Variants in TRMT44 observed in about 807,000 individuals in gnomAD.
TRMT44 encodes tRNA methyltransferase 44 homolog.
A neutral mutation model predicts 77.3 loss-of-function variants in TRMT44; 78 were observed. The ratio of observed to expected loss-of-function variants is 1.01; its 90% CI spans 0.84 to 1.22. The LOEUF (loss-of-function observed/expected upper bound fraction) is 1.22. TRMT44 is among the 50% of genes most tolerant of loss of function. The probability of loss-of-function intolerance (pLI) is 0.00; values close to 1 mark genes in which losing one functional copy is unlikely to be tolerated. For synonymous variants in TRMT44, 391 were observed against 383.3 expected (o/e 1.02, Z -0.23); for missense variants, 1,090 against 964.4 (o/e 1.13, Z -1.73).
chr4:8,449,949 C>CTTTTTTTTTTTTTTTT (rs745915221), intron 3 of TRMT44, 61 bp downstream of exon 3: 62 of 239,122 alleles, frequency 2.6e-4, no homozygotes, highest in Admixed American at 3.7e-4. Flanking sequence ...CTTTTCTTTT[C>CTTTTTTTTTTTTTTTT]TTTTTTTTTT....
the TRMT44 span, among the ~76,000 whole-genome samples, chr4:8,503,392 G>C: frequency 2.0e-5 from 3 of 152,220 alleles, no homozygotes; most frequent in Admixed American, 2.0e-4. Context: ...TAAAGCAAGA[G>C]AATCACCCAC....
At chr4:8,492,413 C>T (rs1728035052) in intron 2 of TRMT44, among the ~76,000 whole-genome samples, 1 of 152,188 alleles carries the variant, frequency 6.6e-6, no homozygotes, top group Admixed American at 6.5e-5. Context: ...AAAATTATGA[C>T]CGTGAAAGGA....
chr4:8,467,116 A>C (rs1726615650), intron 8 of TRMT44, among the ~76,000 whole-genome samples: 1 of 152,212 alleles, frequency 6.6e-6, no homozygotes, highest in African/African-American at 2.4e-5. Context: ...GGAGGCAAGC[A>C]CGCATGGAGC....
At chr4:8,486,942 A>C (rs1362322349) in intron 2 of TRMT44, among the ~76,000 whole-genome samples, 2 of 152,138 alleles carry the variant, frequency 1.3e-5, no homozygotes, top group Admixed American at 6.5e-5. Context: ...TCTGTAGAAA[A>C]GGAAGATTAG....
At chr4:8,494,504 CAAAAG>C (rs1025137407), downstream of TRMT44, among the ~76,000 whole-genome samples, 9 of 152,222 alleles carry the variant, frequency 5.9e-5, no homozygotes, top group African/African-American at 2.2e-4. Context: ...ATCGAGGACT[CAAAAG>C]AACACAACTG....
At position 8,441,483 on chromosome 4, in the gene TRMT44, A is replaced by C. The variant is rs186129650; in HGVS notation, c.619+42A>C. On this transcript the variant is annotated intron_variant, in intron 1 of 10. Transcript: ENST00000389737. ...AGTGGACGGATATGATTAGATAAAA[A>C]AGCATTCATAGAACCTCGGGTCAAT... 1.1e-3 allele frequency: 1,536 copies of C among 1,443,442 alleles called. 3 individuals carry two copies. Among genetic ancestry groups the C allele is most frequent in the Middle Eastern group, 1.8e-3 (10 of 5,592 alleles). The allele number at this position is 1,443,442 out of a possible 1,614,324, so 89.4% of individuals were successfully genotyped here.
rs1482427118 is a variant in TRMT44, at chr4:8,451,890, ATACT to A, written c.955-67_955-64del. 2 of 1,342,526 alleles carry A rather than the reference ATACT, an allele frequency of 1.5e-6. No individual in the cohort carries two copies. The highest frequency in any genetic ancestry group is 3.9e-5 in the Admixed American group (2 of 50,684). 83.2% of individuals were successfully genotyped at this position (1,342,526 alleles called of 1,614,324 possible). A position where few individuals can be genotyped will look rare whatever the true frequency, so the allele number is the denominator to read the frequency against. The stretch of plus-strand genomic sequence containing the variant: ...CCAGTTTGATTTATGCTTTATAGGG[ATACT>A]TAAAGTATTGGGAAATGGTGGTGGG... On this transcript the variant is annotated intron_variant, in intron 3 of 10. Transcript: ENST00000389737. This position sits in a 1 kb window ranked among gnomAD's most constrained non-coding sequence, Gnocchi z 4.1.
chr4:8,471,664 C>T (rs532384210), intron 10 of TRMT44, among the ~76,000 whole-genome samples: 13 of 152,340 alleles, frequency 8.5e-5, no homozygotes, highest in African/African-American at 2.6e-4. Context: ...CTGTGGCCCT[C>T]GCCCCACGGG....
intron 2 of TRMT44, among the ~76,000 whole-genome samples, chr4:8,489,645 T>G (rs1727931257): frequency 6.6e-6 from 1 of 152,008 alleles, no homozygotes; most frequent in African/African-American, 2.4e-5. Flanking sequence ...CCTGGCTAAT[T>G]TTTTGTATTT....
the TRMT44 span, among the ~76,000 whole-genome samples, chr4:8,513,411 G>A: frequency 6.6e-6 from 1 of 152,280 alleles, no homozygotes; most frequent in East Asian, 1.9e-4. Context: ...ACCTCCCACT[G>A]GGATCCTCCC....
At chr4:8,491,713 C>T (rs1026254601) in intron 2 of TRMT44, among the ~76,000 whole-genome samples, 2 of 152,242 alleles carry the variant, frequency 1.3e-5, no homozygotes, top group Admixed American at 6.5e-5. Context: ...AGTGCAGGCC[C>T]GCCAAACCCA....
In TRMT44 at chr4:8,461,178, TCTTTG is replaced by T. The variant is rs1280136086; in HGVS notation, c.1204-2801_1204-2797del. 6.6e-6 allele frequency among the ~76,000 whole-genome samples: 1 copy of T among 152,176 alleles called. No individual in the cohort carries two copies. Among genetic ancestry groups the T allele is most frequent in the Non-Finnish European group, 1.5e-5 (1 of 68,034 alleles). Reference sequence around the variant, plus strand: ...GCTTACTCTTTGCTTGTACATTTACTCTTTGCTTTGTTTTACAGTGATTGGCAGTT... The same window carrying T: ...GCTTACTCTTTGCTTGTACATTTACTCTTTGTTTTACAGTGATTGGCAGTT... On this transcript the variant is annotated intron_variant, in intron 6 of 10. Coordinates refer to ENST00000389737, the MANE Select transcript of TRMT44 (RefSeq NM_152544.3). This position sits in a 1 kb window ranked among gnomAD's most constrained non-coding sequence, Gnocchi z 4.6.
intron 2 of TRMT44, among the ~76,000 whole-genome samples, chr4:8,484,411 AT>A (rs967233679): frequency 2.0e-5 from 3 of 152,166 alleles, no homozygotes; most frequent in African/African-American, 7.2e-5. Flanking sequence ...GATTTTGGAA[AT>A]TATGAGAGCT....
In TRMT44 at chr4:8,466,587, A is replaced by G. The variant is rs562138196; in HGVS notation, c.1494+1026A>G. Among the ~76,000 whole-genome samples the G allele has an allele frequency of 7.2e-5, 11 of 152,336 alleles. No individual in the cohort carries two copies. In the East Asian group the frequency reaches 1.2e-3, roughly 16 times the overall value. On this transcript the variant is annotated intron_variant, in intron 8 of 10. Transcript: ENST00000389737. ...GGACTCGCTGCTGAACCGTCCCGTC[A>G]TCCTCTGTGTCCTCTGTTTTTGGCA... is the stretch of plus-strand genomic sequence containing the variant.
At chr4:8,456,267 G>T (rs967975909) in intron 6 of TRMT44, among the ~76,000 whole-genome samples, 1 of 152,152 alleles carries the variant, frequency 6.6e-6, no homozygotes, top group Non-Finnish European at 1.5e-5. Context: ...TCACCTCTGT[G>T]GCACCAGCTC....
chr4:8,505,497 G>A, the TRMT44 span, among the ~76,000 whole-genome samples: 568 of 152,296 alleles, frequency 3.7e-3, no homozygotes, highest in African/African-American at 0.012. Context: ...GGGTTCCTCC[G>A]TGGCCCTGGA....
In TRMT44 at chr4:8,449,692, G is replaced by T. The variant is rs1370008412; in HGVS notation, c.758G>T (p.Cys253Phe). The T allele has an allele frequency of 6.5e-7, 1 of 1,535,794 alleles. No homozygotes were observed. The highest frequency in any genetic ancestry group is 2.4e-5 in the East Asian group (1 of 40,920). The stretch of plus-strand genomic sequence containing the variant: ...AGGTTCATATCTGTTTTAATTTTCT[G>T]TCCAGAAAGATGGCATTCAGATGGA... ...EEWFISVLIF[C>F]PERWHSDGIV... The change falls in exon 3 of 11, where the codon TGT becomes TTT. Residue 253 changes from cysteine to phenylalanine, a missense_variant. Physicochemically the swap from Cys to Phe is radical, Grantham distance 205. Transcript: ENST00000389737.
chr4:8,506,643 G>A, the TRMT44 span, among the ~76,000 whole-genome samples: 3,585 of 152,314 alleles, frequency 0.024, 137 homozygotes, highest in African/African-American at 0.082. Flanking sequence ...CAGGGGGAGC[G>A]GGCCAAGTGC....
Position 8,449,665 on chromosome 4 carries a change from A to G in TRMT44, c.735-4A>G. On this transcript the variant is annotated splice_polypyrimidine_tract_variant and splice_region_variant and intron_variant, in intron 2 of 10. Coordinates refer to ENST00000389737, the MANE Select transcript of TRMT44 (RefSeq NM_152544.3). The stretch of plus-strand genomic sequence containing the variant: ...GCTTATTCATATTTCTCTTATTTTT[A>G]AAGGTTCATATCTGTTTTAATTTTC... 6.5e-7 allele frequency: 1 copy of G among 1,528,380 alleles called. No homozygotes were observed. The highest frequency in any genetic ancestry group is 8.8e-7 in the Non-Finnish European group (1 of 1,140,680). 94.7% of individuals were successfully genotyped at this position (1,528,380 alleles called of 1,614,324 possible). A position where few individuals can be genotyped will look rare whatever the true frequency, so the allele number is the denominator to read the frequency against.
Sources: allele counts gnomAD v4.1 joint callset (sites outside exome capture counted in the v4.1 genomes callset), GRCh38; gene constraint gnomAD v4.1.1; non-coding constraint Gnocchi (gnomAD v3.1); transcripts MANE v1.5; gene names NCBI Gene and HGNC (gene_info 2026-07-23, HGNC 2026-07-21).